The following PKNOX2 variants were observed in gnomAD, a reference collection of about 807,000 sequenced individuals.
PKNOX2 encodes PBX/knotted 1 homeobox 2, also known as homeobox protein PKNOX2.
In PKNOX2, 14 loss-of-function variants were observed where a neutral mutation model predicts 53.1. The observed-to-expected ratio is 0.26, with a 90% CI of 0.17 to 0.41. PKNOX2 has a LOEUF of 0.41. PKNOX2 is among the 10% of genes least tolerant of loss of function. PKNOX2 has a pLI of 1.00. For missense variants in PKNOX2, 496 were observed against 602.8 expected, an observed-to-expected ratio of 0.82 and a Z score of 1.85; for synonymous variants, 257 against 242.8, an observed-to-expected ratio of 1.06 and a Z score of -0.54.
chr11:125,413,585 C>T (rs1955695368), intron 10 of PKNOX2, among the ~76,000 whole-genome samples: 1 of 152,166 alleles, frequency 6.6e-6, no homozygotes, highest in Non-Finnish European at 1.5e-5. Flanking sequence ...GATGCAGGGT[C>T]ACAGGGGTGC....
intron 2 of PKNOX2, among the ~76,000 whole-genome samples, chr11:125,252,320 G>A (rs1944063244): frequency 6.6e-6 from 1 of 152,218 alleles, no homozygotes; most frequent in Non-Finnish European, 1.5e-5. Context: ...GGAGACTCTG[G>A]AGAGTCTCGA....
intron 1 of PKNOX2, among the ~76,000 whole-genome samples, chr11:125,200,602 C>G (rs922729243): frequency 1.3e-5 from 2 of 152,208 alleles, no homozygotes; most frequent in Non-Finnish European, 2.9e-5. Flanking sequence ...TTCCCAACCT[C>G]CCCCTGGCCC....
At chr11:125,299,483 G>A (rs540398367) in intron 2 of PKNOX2, among the ~76,000 whole-genome samples, 5 of 152,266 alleles carry the variant, frequency 3.3e-5, no homozygotes, top group Admixed American at 3.3e-4. Context: ...CCAGGGAAGG[G>A]CGGGGTGACA....
rs187358820 is a variant in PKNOX2 at position 125,411,184 on chromosome 11, G to A, written c.816+308G>A. 6.9e-4 allele frequency: 219 copies of A among 319,210 alleles called. 1 individual carries two copies. Among genetic ancestry groups the A allele is most frequent in the African/African-American group, 2.7e-3 (129 of 47,160 alleles). The allele number at this position is 319,210 out of a possible 1,614,324, so 19.8% of individuals were successfully genotyped here. A position where few individuals can be genotyped will look rare whatever the true frequency, so the allele number is the denominator to read the frequency against. ...CACACAAAGGAAGAGTAGAAAGATC[G>A]GAAGTCAGAGTCTGGGATCTGACAT... On this transcript the variant is annotated intron_variant, in intron 9 of 12. Transcript: ENST00000298282.
At chr11:125,394,928 G>A (rs755766014) in intron 6 of PKNOX2, among the ~76,000 whole-genome samples, 4 of 151,976 alleles carry the variant, frequency 2.6e-5, no homozygotes, top group Admixed American at 6.6e-5. Flanking sequence ...TCCACCAACT[G>A]TATTCAGATT....
intron 2 of PKNOX2, among the ~76,000 whole-genome samples, chr11:125,293,789 T>A (rs535956497): frequency 2.0e-5 from 3 of 149,684 alleles, no homozygotes; most frequent in Admixed American, 1.3e-4. Context: ...ACAGACACGC[T>A]CACACACACA....
intron 2 of PKNOX2, among the ~76,000 whole-genome samples, chr11:125,242,609 T>G (rs1943247652): frequency 6.6e-6 from 1 of 150,762 alleles, no homozygotes. Flanking sequence ...ATGCTGGGGA[T>G]AGAGCAGCCC....
At chr11:125,304,896 T>C (rs374732915) in intron 2 of PKNOX2, among the ~76,000 whole-genome samples, 89 of 152,310 alleles carry the variant, frequency 5.8e-4, no homozygotes, top group African/African-American at 9.4e-4. Context: ...ATAAATGTAA[T>C]ACATAAGTAA....
intron 10 of PKNOX2, among the ~76,000 whole-genome samples, chr11:125,424,525 AT>A (rs1956316549): frequency 6.6e-6 from 1 of 152,016 alleles, no homozygotes; most frequent in Non-Finnish European, 1.5e-5. Context: ...GCAGCAGCCC[AT>A]GGCCCCACAG....
chr11:125,279,396 A>G (rs931078189), intron 2 of PKNOX2, among the ~76,000 whole-genome samples: 2 of 152,238 alleles, frequency 1.3e-5, no homozygotes, highest in Non-Finnish European at 2.9e-5. Context: ...GAGACTCACA[A>G]GCTGATAAAG....
chr11:125,244,267 T>A (rs1415617641), intron 2 of PKNOX2, among the ~76,000 whole-genome samples: 2 of 152,186 alleles, frequency 1.3e-5, no homozygotes, highest in Non-Finnish European at 2.9e-5. Flanking sequence ...CCCCTGTAGG[T>A]GGGTGTCTGG....
chr11:125,358,244 C>A (rs934288476), intron 4 of PKNOX2, among the ~76,000 whole-genome samples: 1 of 152,140 alleles, frequency 6.6e-6, no homozygotes. Context: ...CTATGAACAC[C>A]CCCTTACACA....
chr11:125,304,975 C>G (rs1010027797), intron 2 of PKNOX2, among the ~76,000 whole-genome samples: 3 of 152,176 alleles, frequency 2.0e-5, no homozygotes, highest in Admixed American at 2.0e-4. Flanking sequence ...TGATTTCCTC[C>G]TTACACGCAA....
At chr11:125,382,346 C>T (rs548546839) in intron 5 of PKNOX2, among the ~76,000 whole-genome samples, 36 of 152,358 alleles carry the variant, frequency 2.4e-4, no homozygotes, top group African/African-American at 7.9e-4. Flanking sequence ...CAAGCACACA[C>T]ACACTTTGTC....
At chr11:125,384,940 G>A (rs933742664) in intron 5 of PKNOX2, among the ~76,000 whole-genome samples, 5 of 152,144 alleles carry the variant, frequency 3.3e-5, no homozygotes, top group Non-Finnish European at 7.4e-5. Context: ...GTAAATAATC[G>A]TTGCATCATT....
intron 1 of PKNOX2, among the ~76,000 whole-genome samples, chr11:125,205,501 A>C (rs1386655055): frequency 6.6e-6 from 1 of 152,216 alleles, no homozygotes; most frequent in African/African-American, 2.4e-5. Flanking sequence ...TCATAATTGT[A>C]ACTCTGTATT....
chr11:125,255,432 C>T (rs188216188), intron 2 of PKNOX2, among the ~76,000 whole-genome samples: 1 of 152,282 alleles, frequency 6.6e-6, no homozygotes, highest in Admixed American at 6.5e-5. Context: ...GACAGTGGGT[C>T]CTGAGGCCCT....
At chr11:125,304,239 T>G (rs1004188334) in intron 2 of PKNOX2, among the ~76,000 whole-genome samples, 8 of 152,206 alleles carry the variant, frequency 5.3e-5, no homozygotes, top group African/African-American at 1.9e-4. Context: ...GGGGCCCATC[T>G]CGCCCAGCTC....
intron 2 of PKNOX2, among the ~76,000 whole-genome samples, chr11:125,316,816 G>T (rs1208238470): frequency 6.6e-6 from 1 of 152,180 alleles, no homozygotes; most frequent in South Asian, 2.1e-4. Flanking sequence ...GAAGGATGGG[G>T]TGGCTGTGGC....
Sources: allele counts gnomAD v4.1 joint callset (sites outside exome capture counted in the v4.1 genomes callset), GRCh38; gene constraint gnomAD v4.1.1; transcripts MANE v1.5; gene names NCBI Gene and HGNC (gene_info 2026-07-23, HGNC 2026-07-21).